The following ADAR variants were observed in gnomAD, a reference collection of about 807,000 sequenced individuals.
The protein encoded by ADAR is adenosine deaminase RNA specific.
ADAR carries 41 observed loss-of-function variants against 113.2 expected under a neutral mutation model. The observed-to-expected ratio is 0.36, with a 90% CI of 0.28 to 0.47. The LOEUF (loss-of-function observed/expected upper bound fraction) is 0.47. ADAR is among the 20% of genes least tolerant of loss of function. The pLI is 1.00. For missense variants in ADAR, 1,242 were observed against 1,540.9 expected (o/e 0.81, Z 3.25); for synonymous variants, 605 against 572.6 (o/e 1.06, Z -0.81).
intron 1 of ADAR, 78 bp from the exon 2 acceptor site, chr1:154,602,704 C>A: frequency 6.4e-7 from 1 of 1,560,846 alleles, no homozygotes; most frequent in Non-Finnish European, 8.7e-7. Flanking sequence ...CCCTTTGCTG[C>A]CTGTGGAACA....
intron 1 of ADAR, among the ~76,000 whole-genome samples, chr1:154,605,838 T>C (rs113568571): frequency 8.5e-5 from 13 of 152,100 alleles, no homozygotes; most frequent in Non-Finnish European, 1.9e-4. Context: ...TATTAGCTCT[T>C]TGAGTGACCT....
rs756241513 is a variant in ADAR at position 154,597,871 on chromosome 1, C to T, written c.1891G>A (p.Glu631Lys). 65 of 1,614,062 alleles carry T rather than the reference C, an allele frequency of 4.0e-5. 2 individuals are homozygous for T. The highest frequency in any genetic ancestry group is 3.7e-4 in the South Asian group (34 of 91,080). The change falls in exon 4 of 15, where the codon GAA becomes AAA. Residue 631 changes from glutamate (E) to lysine (K), a missense_variant. Physicochemically the swap from Glu to Lys is moderately conservative, Grantham distance 56. Around this residue, in one of 2 missense-constraint regions of ADAR, gnomAD observed 780 missense variants for 1,057.9 expected, o/e 0.74. Transcript: ENST00000368474. ...CCTTCTTTGGACAGGAGACGGAATTCGCAGGAGTTCCCCAATTTGTGCATA... is the reference window on the plus strand; with the variant it reads ...CCTTCTTTGGACAGGAGACGGAATTTGCAGGAGTTCCCCAATTTGTGCATA... ...ECMHKLGNSC[E>K]FRLLSKEGPA...
At chr1:154,624,811 G>A (rs1452274137) in intron 1 of ADAR, among the ~76,000 whole-genome samples, 1 of 152,160 alleles carries the variant, frequency 6.6e-6, no homozygotes, top group Non-Finnish European at 1.5e-5. Context: ...AAGCCCAAAA[G>A]CTCAGATTCT....
intron 1 of ADAR, among the ~76,000 whole-genome samples, chr1:154,620,466 T>TA (rs894241815): frequency 6.6e-6 from 1 of 151,594 alleles, no homozygotes; most frequent in South Asian, 2.1e-4. Context: ...TTTACTACAA[T>TA]AAAAAACAGG....
In ADAR at chr1:154,585,869, A is replaced by G; in HGVS notation, c.3203-4T>C. On this transcript the variant is annotated splice_region_variant and splice_polypyrimidine_tract_variant and intron_variant, in intron 12 of 14. Coordinates refer to ENST00000368474, the MANE Select transcript of ADAR (RefSeq NM_001111.5). ...TGCCCTTGGCTGAAAAGGTAACCTG[A>G]GTACAAAAAAGAGAAACATATATAC... is the stretch of plus-strand genomic sequence containing the variant. The G allele has an allele frequency of 6.2e-7, 1 of 1,611,936 alleles. No homozygotes were observed.
At chr1:154,590,151 C>A (rs757390648) in intron 7 of ADAR, 33 bp downstream of exon 7, 49 of 1,328,346 alleles carry the variant, frequency 3.7e-5, no homozygotes, top group Non-Finnish European at 4.8e-5. Context: ...ACCCCCCCGC[C>A]CCAAAAAAGG....
In ADAR at chr1:154,588,184, C is replaced by T. The variant is rs760200045; in HGVS notation, c.2960G>A (p.Arg987His). Residue 987 changes from arginine to histidine, a missense_variant, in exon 11 of 15, where the codon CGC becomes CAC. Around this residue, in one of 2 missense-constraint regions of ADAR, gnomAD observed 780 missense variants for 1,057.9 expected, o/e 0.74. Coordinates refer to ENST00000368474, the MANE Select transcript of ADAR (RefSeq NM_001111.5). ...SDRAMESTES[R>H]HYPVFENPKQ... ...GGGATTCTCGAAGACAGGGTAGTGG[C>T]GGGATTCTGTGCTTTCCATAGCACG... The T allele has an allele frequency of 1.1e-5, 18 of 1,613,908 alleles. No homozygotes were observed. Among genetic ancestry groups the T allele is most frequent in the Non-Finnish European group, 1.4e-5 (17 of 1,179,984 alleles).
chr1:154,590,937 C>G (rs887833640), intron 6 of ADAR, among the ~76,000 whole-genome samples: 2 of 151,984 alleles, frequency 1.3e-5, no homozygotes, highest in Non-Finnish European at 2.9e-5. Flanking sequence ...CTGCGCGAGA[C>G]AGCAAGATCC....
chr1:154,583,640 G>A lies in ADAR; in HGVS notation c.*1166C>T, dbSNP rs1696551711. 6.6e-6 allele frequency: 1 copy of A among 152,184 alleles called. No individual in the cohort carries two copies. The highest frequency in any genetic ancestry group is 2.4e-5 in the African/African-American group (1 of 41,448). The allele number at this position is 152,184 out of a possible 1,614,324, so 9.4% of individuals were successfully genotyped here. Reference sequence around the variant, plus strand: ...AAAAATGAAAGCACTTGGATAAATGGAAAAGTATGCCTGAATTTTAAATCT... The same window carrying A: ...AAAAATGAAAGCACTTGGATAAATGAAAAAGTATGCCTGAATTTTAAATCT... On this transcript the variant is annotated 3_prime_UTR_variant, in exon 15 of 15. Transcript: ENST00000368474.
intron 1 of ADAR, among the ~76,000 whole-genome samples, chr1:154,627,700 C>A (rs953429649): frequency 3.9e-5 from 6 of 152,254 alleles, no homozygotes; most frequent in African/African-American, 1.4e-4. Flanking sequence ...TGTGCCCCTA[C>A]CAGCTGCGTC....
intron 6 of ADAR, among the ~76,000 whole-genome samples, chr1:154,593,891 T>G (rs1206212795): frequency 7.3e-6 from 1 of 137,926 alleles, no homozygotes; most frequent in Non-Finnish European, 1.6e-5. Flanking sequence ...GATTTTTTTG[T>G]TTTTTTTTTT....
At position 154,588,536 on chromosome 1, in the gene ADAR, AG is replaced by A; in HGVS notation, c.2885+14del. Reference sequence around the variant, plus strand: ...TGGCAGGGCCCACCCTGGCAGCAACAGGAACTGTACAGACCTGATATACAGA... The same window carrying A: ...TGGCAGGGCCCACCCTGGCAGCAACAGAACTGTACAGACCTGATATACAGA... On this transcript the variant is annotated intron_variant, in intron 10 of 14. Coordinates refer to ENST00000368474, the MANE Select transcript of ADAR (RefSeq NM_001111.5). 6.2e-7 allele frequency: 1 copy of A among 1,613,504 alleles called. No homozygotes were observed. The highest frequency in any genetic ancestry group is 8.5e-7 in the Non-Finnish European group (1 of 1,180,010).
At chr1:154,627,652 G>A (rs866200165) in intron 1 of ADAR, among the ~76,000 whole-genome samples, 14 of 152,296 alleles carry the variant, frequency 9.2e-5, no homozygotes, top group Middle Eastern at 3.4e-3. Context: ...ACACCGGCCC[G>A]GGCGTCCGCC....
In ADAR at chr1:154,595,671, TA is replaced by T. The variant is rs140747033; in HGVS notation, c.2270+1133del. Among the ~76,000 whole-genome samples, 1,328 of 151,902 alleles carry T rather than the reference TA, an allele frequency of 8.7e-3. 23 individuals are homozygous for T. Among genetic ancestry groups the T allele is most frequent in the African/African-American group, 0.03 (1,263 of 41,468 alleles). On this transcript the variant is annotated intron_variant, in intron 6 of 14. Coordinates refer to ENST00000368474, the MANE Select transcript of ADAR (RefSeq NM_001111.5). ...AATAAAGTAAAAAATAAAGTAAAAA[TA>T]AAGTAAAAAAGTTACAGTAAGCTAA...
intron 1 of ADAR, among the ~76,000 whole-genome samples, chr1:154,616,142 C>T (rs753804352): frequency 2.6e-5 from 4 of 152,212 alleles, no homozygotes; most frequent in South Asian, 4.1e-4. Flanking sequence ...ATAAGGTTCT[C>T]ATTCAGGGGA....
intron 6 of ADAR, among the ~76,000 whole-genome samples, chr1:154,590,756 C>T (rs908140816): frequency 2.0e-5 from 3 of 150,448 alleles, no homozygotes; most frequent in African/African-American, 7.4e-5. Flanking sequence ...ATAGTAATCC[C>T]CCAGGCAACA....
chr1:154,604,033 A>T (rs1350045828), intron 1 of ADAR, among the ~76,000 whole-genome samples: 1 of 151,816 alleles, frequency 6.6e-6, no homozygotes, highest in African/African-American at 2.4e-5. Context: ...TCTCACTATG[A>T]CTCTAACCTA....
At chr1:154,605,985 T>C in intron 1 of ADAR, 1 of 947,670 alleles carries the variant, frequency 1.1e-6, no homozygotes, top group Non-Finnish European at 1.3e-6. Context: ...AAACATTCAT[T>C]CTATGGAATA....
chr1:154,597,676 C>A lies in ADAR; in HGVS notation c.1934+152G>T, dbSNP rs550676403. On this transcript the variant is annotated intron_variant, in intron 4 of 14. Transcript: ENST00000368474. ...TCCTAATCCCTAATTGTCTGCCTCA[C>A]AAGCAGCAACCAGGACCTCAGAGCC... 15 of 1,019,016 alleles carry A rather than the reference C, an allele frequency of 1.5e-5. No homozygotes were observed. In the East Asian group the frequency reaches 2.6e-4, roughly 17 times the overall value. The allele number at this position is 1,019,016 out of a possible 1,614,324, so 63.1% of individuals were successfully genotyped here.
Sources: allele counts gnomAD v4.1 joint callset (sites outside exome capture counted in the v4.1 genomes callset), GRCh38; gene constraint gnomAD v4.1.1; regional missense constraint gnomAD v4.1.1; transcripts MANE v1.5; gene names NCBI Gene and HGNC (gene_info 2026-07-23, HGNC 2026-07-21).